ABHD6: variants seen among roughly 807,000 people sequenced by gnomAD.
The protein encoded by ABHD6 is monoacylglycerol lipase ABHD6.
ABHD6 carries 33 observed loss-of-function variants against 38.8 expected under a neutral mutation model. The ratio of observed to expected loss-of-function variants is 0.85; its 90% CI spans 0.64 to 1.14. The LOEUF (loss-of-function observed/expected upper bound fraction) is 1.14, where lower values mean the gene tolerates loss of function less well. ABHD6 is among the 50% of genes most tolerant of loss of function. ABHD6 has a pLI of 0.00. For missense variants in ABHD6, 380 were observed against 422.6 expected, an observed-to-expected ratio of 0.90 and a Z score of 0.88; for synonymous variants, 147 against 161.6, an observed-to-expected ratio of 0.91 and a Z score of 0.69.
At chr3:58,281,388 G>A (rs929995828) in intron 7 of ABHD6, among the ~76,000 whole-genome samples, 1 of 152,188 alleles carries the variant, frequency 6.6e-6, no homozygotes, top group Admixed American at 6.5e-5. Context: ...CTGTGGGCCT[G>A]GGACCCACCG....
chr3:58,289,485 C>T (rs992101390), intron 9 of ABHD6, among the ~76,000 whole-genome samples: 1 of 149,872 alleles, frequency 6.7e-6, no homozygotes, highest in African/African-American at 2.5e-5. Flanking sequence ...GCACATCTTG[C>T]ACTGCCCTTA....
At chr3:58,262,822 C>T (rs1456524320) in intron 3 of ABHD6, among the ~76,000 whole-genome samples, 2 of 152,168 alleles carry the variant, frequency 1.3e-5, no homozygotes, top group African/African-American at 4.8e-5. Flanking sequence ...GTAATCCCAA[C>T]ACTTTGGGAG....
chr3:58,264,440 CACACATAT>C lies in ABHD6; in HGVS notation c.120-2748_120-2741del, dbSNP rs1333382490. The stretch of plus-strand genomic sequence containing the variant: ...ACACACACACACACACACACACACA[CACACATAT>C]GCCAGGTGCAGTGGCTCAGTGGCAG... On this transcript the variant is annotated intron_variant, in intron 3 of 9. Transcript: ENST00000478253. 5.4e-3 allele frequency among the ~76,000 whole-genome samples: 508 copies of C among 93,892 alleles called. 8 individuals carry two copies. The highest frequency in any genetic ancestry group is 0.031 in the African/African-American group (473 of 15,180). 61.6% of individuals were successfully genotyped at this position (93,892 alleles called of 152,430 possible).
chr3:58,243,668 C>CTT (rs796845241), intron 1 of ABHD6, among the ~76,000 whole-genome samples: 1 of 147,676 alleles, frequency 6.8e-6, no homozygotes, highest in African/African-American at 2.5e-5. Flanking sequence ...CAGAAGTTTT[C>CTT]TTTTTTTTTT....
rs1047894775 is a variant in ABHD6 at position 58,263,421 on chromosome 3, T to C, written c.120-3768T>C. 2.0e-5 allele frequency among the ~76,000 whole-genome samples: 3 copies of C among 152,136 alleles called. No homozygotes were observed. Among genetic ancestry groups the C allele is most frequent in the African/African-American group, 7.2e-5 (3 of 41,446 alleles). Reference sequence around the variant, plus strand: ...AAAAAAAAAAGAAAAAATATTAGTTTTCCAGTTTCTTGTTTCTGGAGCCTA... The same window carrying C: ...AAAAAAAAAAGAAAAAATATTAGTTCTCCAGTTTCTTGTTTCTGGAGCCTA... On this transcript the variant is annotated intron_variant, in intron 3 of 9. Coordinates refer to ENST00000478253, the MANE Select transcript of ABHD6 (RefSeq NM_001320126.2). This position sits in a 1 kb window ranked among gnomAD's most constrained non-coding sequence, Gnocchi z 4.9.
chr3:58,252,899 T>C (rs1242337791), intron 2 of ABHD6, among the ~76,000 whole-genome samples: 1 of 152,216 alleles, frequency 6.6e-6, no homozygotes, highest in African/African-American at 2.4e-5. Context: ...TGAAGGATGT[T>C]GTAGAGATAG....
In ABHD6 at chr3:58,256,491, C is replaced by A; in HGVS notation, c.-25-71C>A. The A allele has an allele frequency of 1.1e-6, 1 of 881,556 alleles. No homozygotes were observed. The highest frequency in any genetic ancestry group is 1.8e-6 in the Non-Finnish European group (1 of 562,832). 54.6% of individuals were successfully genotyped at this position (881,556 alleles called of 1,614,324 possible). On this transcript the variant is annotated intron_variant, in intron 2 of 9. Coordinates refer to ENST00000478253, the MANE Select transcript of ABHD6 (RefSeq NM_001320126.2). The surrounding 1 kb of genome is among the most constrained non-coding windows in gnomAD (Gnocchi z 4.3). Reference sequence around the variant, plus strand: ...ACTCTGGGAACTTCACTTTTCTTGTCCCCTTTACTTCTTCGCCTTTTTTCC... The same window carrying A: ...ACTCTGGGAACTTCACTTTTCTTGTACCCTTTACTTCTTCGCCTTTTTTCC...
At chr3:58,271,733 T>C (rs2097445000) in intron 6 of ABHD6, among the ~76,000 whole-genome samples, 2 of 150,784 alleles carry the variant, frequency 1.3e-5, no homozygotes, top group South Asian at 2.1e-4. Context: ...ATAAAAATCA[T>C]ATTTTTTCTC....
rs145873482 is a variant in ABHD6, at chr3:58,279,321, C to G, written c.681+4506C>G. 9.4e-3 allele frequency among the ~76,000 whole-genome samples: 1,425 copies of G among 152,252 alleles called. 23 individuals are homozygous for G. The highest frequency in any genetic ancestry group is 0.033 in the African/African-American group (1,360 of 41,532). ...GCATATATATTTAGGATAGTTAGCT[C>G]TTGTTGAATTGATCCCTTTACCATT... On this transcript the variant is annotated intron_variant, in intron 7 of 9. Transcript: ENST00000478253.
intron 6 of ABHD6, 28 bp from the exon 7 acceptor site, chr3:58,274,630 T>A (rs753650309): frequency 1.1e-5 from 17 of 1,606,348 alleles, no homozygotes; most frequent in African/African-American, 4.0e-5. Flanking sequence ...GGATGTATCA[T>A]CAAGCCATTT....
intron 1 of ABHD6, among the ~76,000 whole-genome samples, chr3:58,242,508 C>A (rs891762580): frequency 6.6e-6 from 1 of 152,220 alleles, no homozygotes; most frequent in Non-Finnish European, 1.5e-5. Flanking sequence ...GACTTCTCCC[C>A]CTAAGGCTGT....
chr3:58,271,757 CCTCT>C (rs1241002876), intron 6 of ABHD6, among the ~76,000 whole-genome samples: 1 of 136,198 alleles, frequency 7.3e-6, no homozygotes, highest in African/African-American at 2.9e-5. Context: ...TCTATCTCCC[CCTCT>C]CTCTGTTTTT....
At position 58,273,766 on chromosome 3, in the gene ABHD6, C is replaced by T. The variant is rs1323276229; in HGVS notation, c.524-892C>T. Among the ~76,000 whole-genome samples, 4 of 151,978 alleles carry T rather than the reference C, an allele frequency of 2.6e-5. No homozygotes were observed. In the East Asian group the frequency reaches 5.8e-4, roughly 22 times the overall value. ...GGAGGGAGAGCATTAGGACAAATGC[C>T]GAATGCATGAGGGACTTAAAACCTA... On this transcript the variant is annotated intron_variant, in intron 6 of 9. Transcript: ENST00000478253. The surrounding 1 kb of genome is among the most constrained non-coding windows in gnomAD (Gnocchi z 4.8).
At chr3:58,275,126 G>A (rs1339410300) in intron 7 of ABHD6, among the ~76,000 whole-genome samples, 2 of 152,072 alleles carry the variant, frequency 1.3e-5, no homozygotes, top group East Asian at 1.9e-4. Flanking sequence ...GATTGAATAC[G>A]GGGAGGCAGG....
rs1311067269 is a variant in ABHD6, at chr3:58,287,437, G to T, written c.837+1984G>T. Among the ~76,000 whole-genome samples, 6 of 152,148 alleles carry T rather than the reference G, an allele frequency of 3.9e-5. No individual in the cohort carries two copies. The South Asian group carries it at 1.2e-3, about 32-fold the overall frequency. On this transcript the variant is annotated intron_variant, in intron 9 of 9. Coordinates refer to ENST00000478253, the MANE Select transcript of ABHD6 (RefSeq NM_001320126.2). The surrounding 1 kb of genome is among the most constrained non-coding windows in gnomAD (Gnocchi z 4.7). ...GGAGAGAGTGGGGAGGAGCAGCCAG[G>T]CTGTGCCCATGGCGTGTACGCAGAA...
At chr3:58,249,006 A>G (rs2097428285) in intron 1 of ABHD6, among the ~76,000 whole-genome samples, 1 of 152,196 alleles carries the variant, frequency 6.6e-6, no homozygotes, top group African/African-American at 2.4e-5. Flanking sequence ...CTGGTAAATT[A>G]TCTGTTCAGA....
At chr3:58,268,139 T>C (rs1005685767) in intron 4 of ABHD6, among the ~76,000 whole-genome samples, 2 of 152,170 alleles carry the variant, frequency 1.3e-5, no homozygotes, top group African/African-American at 4.8e-5. Context: ...AATTATTGAG[T>C]TGAATATTAT....
intron 9 of ABHD6, among the ~76,000 whole-genome samples, chr3:58,290,715 C>T (rs2097461917): frequency 6.6e-6 from 1 of 151,586 alleles, no homozygotes. Flanking sequence ...CGCGGCCGGG[C>T]AGAGGCGCTC....
intron 9 of ABHD6, among the ~76,000 whole-genome samples, chr3:58,290,847 TTCC>T (rs965121479): frequency 1.4e-5 from 2 of 139,594 alleles, no homozygotes; most frequent in Non-Finnish European, 3.1e-5. Context: ...CGCTCCTCAC[TTCC>T]TAGATGGGAT....
Sources: allele counts gnomAD v4.1 joint callset (sites outside exome capture counted in the v4.1 genomes callset), GRCh38; gene constraint gnomAD v4.1.1; non-coding constraint Gnocchi (gnomAD v3.1); transcripts MANE v1.5; gene names NCBI Gene and HGNC (gene_info 2026-07-23, HGNC 2026-07-21).